The following NBEA variants were observed in gnomAD, a reference collection of about 807,000 sequenced individuals.
The protein encoded by NBEA is neurobeachin, also known as lysosomal-trafficking regulator 2.
A neutral mutation model predicts 343.4 loss-of-function variants in NBEA; 44 were observed. The observed-to-expected ratio is 0.13, with a 90% CI of 0.10 to 0.16. The LOEUF is 0.16. NBEA is among the 10% of genes least tolerant of loss of function. NBEA has a pLI of 1.00. For synonymous variants in NBEA, 1,175 were observed against 1,238.7 expected, an observed-to-expected ratio of 0.95 and a Z score of 1.08; for missense variants, 2,555 against 3,631.3, an observed-to-expected ratio of 0.70 and a Z score of 7.62.
chr13:35,169,415 T>C (rs552493057), intron 25 of NBEA, among the ~76,000 whole-genome samples: 3 of 151,560 alleles, frequency 2.0e-5, no homozygotes, highest in Non-Finnish European at 3.0e-5. Context: ...AATTCTCTTT[T>C]AGACTGTTGT....
chr13:35,204,480 A>G (rs1593735751), intron 31 of NBEA, among the ~76,000 whole-genome samples: 1 of 152,130 alleles, frequency 6.6e-6, no homozygotes, highest in Non-Finnish European at 1.5e-5. Flanking sequence ...CTTATTCACT[A>G]TCACGAGAAT....
At chr13:35,124,567 T>G (rs1369428548) in intron 17 of NBEA, among the ~76,000 whole-genome samples, 1 of 150,106 alleles carries the variant, frequency 6.7e-6, no homozygotes, top group East Asian at 1.9e-4. Context: ...TACACATATA[T>G]ATGGATATAT....
At chr13:35,532,956 A>G (rs1042213925) in intron 41 of NBEA, among the ~76,000 whole-genome samples, 3 of 152,100 alleles carry the variant, frequency 2.0e-5, no homozygotes, top group African/African-American at 7.2e-5. Flanking sequence ...GCAGTGAGTG[A>G]TCTGGTACAT....
At chr13:35,660,334 A>T (rs552896125) in intron 55 of NBEA, among the ~76,000 whole-genome samples, 1 of 152,192 alleles carries the variant, frequency 6.6e-6, no homozygotes, top group African/African-American at 2.4e-5. Flanking sequence ...TTTGATATAC[A>T]TACATACAAA....
At chr13:34,947,221 T>C (rs1483650572) in intron 1 of NBEA, among the ~76,000 whole-genome samples, 1 of 152,148 alleles carries the variant, frequency 6.6e-6, no homozygotes, top group African/African-American at 2.4e-5. Flanking sequence ...AGATTTTCCT[T>C]AGAAATATTA....
At chr13:35,325,674 CA>C (rs1566621227) in intron 36 of NBEA, among the ~76,000 whole-genome samples, 2 of 151,958 alleles carry the variant, frequency 1.3e-5, no homozygotes, top group African/African-American at 4.8e-5. Context: ...AATGATTCTC[CA>C]AAATGCAAAG....
intron 55 of NBEA, among the ~76,000 whole-genome samples, chr13:35,661,909 C>G (rs550856541): frequency 2.1e-4 from 32 of 152,280 alleles, no homozygotes; most frequent in African/African-American, 7.5e-4. Context: ...GGTTCATCCT[C>G]TCACTGTGCA....
intron 41 of NBEA, among the ~76,000 whole-genome samples, chr13:35,521,962 C>G (rs1832555863): frequency 6.6e-6 from 1 of 152,132 alleles, no homozygotes; most frequent in Non-Finnish European, 1.5e-5. Context: ...TAGGAAGATT[C>G]TTAAATATGA....
At chr13:35,287,762 A>C (rs1020669511) in intron 34 of NBEA, among the ~76,000 whole-genome samples, 1 of 151,986 alleles carries the variant, frequency 6.6e-6, no homozygotes, top group East Asian at 1.9e-4. Context: ...CAGCAAACAG[A>C]ATGGGCTTTG....
In NBEA at chr13:35,165,694, T is replaced by G. The variant is rs552546758; in HGVS notation, c.4233+1185T>G. 3.3e-5 allele frequency among the ~76,000 whole-genome samples: 5 copies of G among 151,260 alleles called. No individual in the cohort carries two copies. In the East Asian group the frequency reaches 5.8e-4, roughly 18 times the overall value. ...TTTTTCTTCTCTTTTCTTTTCTTTTTTTTTTTTTTTGACAGAGTATCATTC... is the reference window on the plus strand; with the variant it reads ...TTTTTCTTCTCTTTTCTTTTCTTTTGTTTTTTTTTTGACAGAGTATCATTC... On this transcript the variant is annotated intron_variant, in intron 24 of 58. Transcript: ENST00000379939.
intron 38 of NBEA, among the ~76,000 whole-genome samples, chr13:35,414,173 G>A (rs1264267168): frequency 2.0e-5 from 3 of 152,054 alleles, no homozygotes; most frequent in Non-Finnish European, 4.4e-5. Flanking sequence ...GCATATCATA[G>A]GATAACATGA....
chr13:35,174,063 A>G lies in NBEA; in HGVS notation c.4554+469A>G, dbSNP rs370466285. 3.2e-4 allele frequency among the ~76,000 whole-genome samples: 49 copies of G among 152,162 alleles called. No homozygotes were observed. The South Asian group carries it at 6.9e-3, about 21-fold the overall frequency. On this transcript the variant is annotated intron_variant, in intron 27 of 58. Transcript: ENST00000379939. ...GGCCCTTGGCGTCACATCCAGTTTC[A>G]TTAACATGCTTTTTGAGGTTCTGTG...
At chr13:35,154,735 T>G (rs1391811543) in intron 18 of NBEA, among the ~76,000 whole-genome samples, 1 of 152,182 alleles carries the variant, frequency 6.6e-6, no homozygotes, top group Non-Finnish European at 1.5e-5. Flanking sequence ...CTTTATTTGG[T>G]CAACTGTTTT....
intron 35 of NBEA, among the ~76,000 whole-genome samples, chr13:35,306,497 C>T (rs1032870177): frequency 6.6e-6 from 1 of 151,906 alleles, no homozygotes; most frequent in Non-Finnish European, 1.5e-5. Context: ...TTAATGTATA[C>T]AATATCTTCA....
At chr13:35,346,227 C>T (rs541890377) in intron 36 of NBEA, among the ~76,000 whole-genome samples, 1 of 152,040 alleles carries the variant, frequency 6.6e-6, no homozygotes, top group Admixed American at 6.6e-5. Context: ...TTCCTGCTGT[C>T]TCCTGTTAAT....
chr13:35,621,486 C>G (rs1014864294), intron 48 of NBEA, among the ~76,000 whole-genome samples: 3 of 152,172 alleles, frequency 2.0e-5, no homozygotes, highest in African/African-American at 7.2e-5. Flanking sequence ...TTTTCTGTTT[C>G]CTTCGCACTT....
At chr13:35,004,653 T>C (rs1189339785) in intron 1 of NBEA, among the ~76,000 whole-genome samples, 3 of 152,206 alleles carry the variant, frequency 2.0e-5, no homozygotes, top group African/African-American at 7.2e-5. Context: ...TACCAGTGCA[T>C]TTATTCGATC....
intron 31 of NBEA, among the ~76,000 whole-genome samples, chr13:35,208,036 A>G (rs1277458517): frequency 1.3e-5 from 2 of 152,232 alleles, no homozygotes; most frequent in East Asian, 3.9e-4. Context: ...CCTGACCAAC[A>G]TAGTGAAACC....
intron 45 of NBEA, among the ~76,000 whole-genome samples, chr13:35,576,046 A>C (rs989510394): frequency 1.3e-5 from 2 of 151,790 alleles, no homozygotes; most frequent in Admixed American, 1.3e-4. Flanking sequence ...CGCTGTAACT[A>C]GTAAGGTTTT....
Sources: allele counts gnomAD v4.1 joint callset (sites outside exome capture counted in the v4.1 genomes callset), GRCh38; gene constraint gnomAD v4.1.1; transcripts MANE v1.5; gene names NCBI Gene and HGNC (gene_info 2026-07-23, HGNC 2026-07-21).